Variants in SYNCRIP observed in about 807,000 individuals in gnomAD.
SYNCRIP encodes the protein synaptotagmin binding cytoplasmic RNA interacting protein.
A neutral mutation model predicts 68.9 loss-of-function variants in SYNCRIP; 9 were observed. The observed-to-expected ratio is 0.13, with a 90% CI of 0.08 to 0.23. The LOEUF (loss-of-function observed/expected upper bound fraction) is 0.23, where lower values mean the gene tolerates loss of function less well. Ranked by LOEUF, SYNCRIP falls within the 10% of genes least tolerant of loss-of-function variation. The pLI is 1.00. For missense variants in SYNCRIP, 414 were observed against 770.6 expected, an observed-to-expected ratio of 0.54 and a Z score of 5.48; for synonymous variants, 258 against 254.0, an observed-to-expected ratio of 1.02 and a Z score of -0.15.
intron 6 of SYNCRIP, among the ~76,000 whole-genome samples, chr6:85,627,532 A>G (rs1437714389): frequency 6.6e-6 from 1 of 150,802 alleles, no homozygotes; most frequent in Non-Finnish European, 1.5e-5. Context: ...AAACAAAAAC[A>G]AAAAAACACT....
chr6:85,619,515 A>G (rs900396515), intron 8 of SYNCRIP, 98 bp from the exon 9 acceptor site: 2 of 1,076,320 alleles, frequency 1.9e-6, no homozygotes, highest in Non-Finnish European at 2.6e-6. Context: ...ATCACAATCC[A>G]TTAGAAGAAT....
intron 6 of SYNCRIP, 117 bp from the exon 7 acceptor site, chr6:85,624,229 T>G (rs1178258133): frequency 3.1e-6 from 3 of 959,800 alleles, no homozygotes; most frequent in Admixed American, 5.0e-5. Context: ...TTAATTCCCA[T>G]ACAAGGGAAT....
chr6:85,609,218 A>G (rs1338020794), downstream of SYNCRIP: 5 of 151,904 alleles, frequency 3.3e-5, no homozygotes, highest in African/African-American at 1.2e-4. Context: ...CCTCCCCTAA[A>G]TGCATGAAGC....
At chr6:85,630,609 G>C (rs1166065920) in intron 6 of SYNCRIP, among the ~76,000 whole-genome samples, 1 of 152,144 alleles carries the variant, frequency 6.6e-6, no homozygotes, top group Non-Finnish European at 1.5e-5. Context: ...CCCCTAGGTA[G>C]GTAAGGGAAG....
At chr6:85,617,319 A>G (rs1805891941) in intron 10 of SYNCRIP, among the ~76,000 whole-genome samples, 1 of 152,130 alleles carries the variant, frequency 6.6e-6, no homozygotes, top group East Asian at 1.9e-4. Flanking sequence ...CCTTCTATTT[A>G]GTATCTCCCT....
chr6:85,625,542 C>T (rs1313708120), intron 6 of SYNCRIP, among the ~76,000 whole-genome samples: 2 of 152,072 alleles, frequency 1.3e-5, no homozygotes, highest in East Asian at 3.9e-4. Context: ...CGCCTGCCAC[C>T]ATGCCCGGCT....
intron 1 of SYNCRIP, among the ~76,000 whole-genome samples, 169 bp downstream of exon 1, chr6:85,642,628 T>A (rs900796149): frequency 6.6e-6 from 1 of 152,142 alleles, no homozygotes; most frequent in Non-Finnish European, 1.5e-5. Context: ...AAGGAGGAAG[T>A]GGCGGCGCGG....
intron 6 of SYNCRIP, among the ~76,000 whole-genome samples, chr6:85,634,286 G>C (rs1808179793): frequency 6.6e-6 from 1 of 152,154 alleles, no homozygotes; most frequent in Non-Finnish European, 1.5e-5. Flanking sequence ...CTCTAATGAT[G>C]TATCTTTACT....
At chr6:85,641,535 T>C in intron 1 of SYNCRIP, 84 bp from the exon 2 acceptor site, 1 of 1,326,388 alleles carries the variant, frequency 7.5e-7, no homozygotes, top group Non-Finnish European at 1.0e-6. Context: ...TTACTTTCTC[T>C]ACCATTTACT....
intron 7 of SYNCRIP, 83 bp from the exon 8 acceptor site, chr6:85,622,770 A>G (rs1320443416): frequency 9.4e-7 from 1 of 1,064,308 alleles, no homozygotes. Context: ...CTAAGATACT[A>G]CTTAAATATC....
At chr6:85,619,147 TTA>T (rs1305574004) in intron 9 of SYNCRIP, 119 bp downstream of exon 9, 3 of 1,412,314 alleles carry the variant, frequency 2.1e-6, no homozygotes, top group Non-Finnish European at 2.9e-6. Flanking sequence ...CCAAAAGGTT[TTA>T]GTTTGAATGG....
rs538691665 is a variant in SYNCRIP, at chr6:85,621,198, T to C, written c.1008+1284A>G. Among the ~76,000 whole-genome samples the C allele has an allele frequency of 3.9e-5, 6 of 152,374 alleles. No individual in the cohort carries two copies. The East Asian group carries it at 5.8e-4, about 15-fold the overall frequency. ...AATGAATCCTAACTATTTTCTCTTC[T>C]CTAAGACCACTTATCCTTCAATAAT... On this transcript the variant is annotated intron_variant, in intron 8 of 10. Transcript: ENST00000369622.
In SYNCRIP at chr6:85,637,372, C is replaced by G. The variant is rs754667362; in HGVS notation, c.376-16G>C. Reference sequence around the variant, plus strand: ...CCAAGAGTGCCTTGAAAAGTTCAAACGTCATTAATACATTTAATTCACTAG... The same window carrying G: ...CCAAGAGTGCCTTGAAAAGTTCAAAGGTCATTAATACATTTAATTCACTAG... On this transcript the variant is annotated splice_polypyrimidine_tract_variant and intron_variant, in intron 4 of 10. Transcript: ENST00000369622. 12 of 1,530,524 alleles carry G rather than the reference C, an allele frequency of 7.8e-6. 1 individual carries two copies. Among genetic ancestry groups the G allele is most frequent in the Middle Eastern group, 2.1e-4 (1 of 4,846 alleles). 94.8% of individuals were successfully genotyped at this position (1,530,524 alleles called of 1,614,324 possible). A position where few individuals can be genotyped will look rare whatever the true frequency, so the allele number is the denominator to read the frequency against.
intron 6 of SYNCRIP, among the ~76,000 whole-genome samples, chr6:85,624,891 CTAA>C (rs957611811): frequency 2.6e-5 from 4 of 152,174 alleles, no homozygotes; most frequent in Admixed American, 6.5e-5. Flanking sequence ...AAATTTGTTA[CTAA>C]TAATGGCGGC....
chr6:85,635,242 G>A (rs913226712), intron 6 of SYNCRIP, among the ~76,000 whole-genome samples: 1 of 151,998 alleles, frequency 6.6e-6, no homozygotes, highest in Admixed American at 6.6e-5. Context: ...CCCTCAAATT[G>A]AACTGCTGAA....
chr6:85,621,607 T>TAAA (rs34749230), intron 8 of SYNCRIP, among the ~76,000 whole-genome samples: 2 of 124,796 alleles, frequency 1.6e-5, no homozygotes, highest in Non-Finnish European at 3.5e-5. Context: ...CCCTGTCACT[T>TAAA]AAAAAAAAAA....
At chr6:85,636,079 G>A (rs978036298) in intron 6 of SYNCRIP, among the ~76,000 whole-genome samples, 1 of 152,142 alleles carries the variant, frequency 6.6e-6, no homozygotes, top group Non-Finnish European at 1.5e-5. Flanking sequence ...ATAAAATGCA[G>A]AAACCACTTC....
chr6:85,633,028 GA>G (rs1562102495), intron 6 of SYNCRIP, among the ~76,000 whole-genome samples: 1 of 150,548 alleles, frequency 6.6e-6, no homozygotes, highest in African/African-American at 2.4e-5. Flanking sequence ...CAAGGCGGGT[GA>G]ATCACAAGGT....
chr6:85,629,516 CAA>C (rs781083306), intron 6 of SYNCRIP, among the ~76,000 whole-genome samples: 11 of 64,922 alleles, frequency 1.7e-4, no homozygotes, highest in African/African-American at 5.9e-4. Context: ...ACTAAAAATA[CAA>C]AAAAAAAAAA....
Sources: gnomAD v4.1 joint callset for allele counts (sites outside exome capture counted in the v4.1 genomes callset) on GRCh38, gnomAD v4.1.1 for gene constraint, MANE v1.5 for transcripts, NCBI Gene and HGNC (gene_info 2026-07-23, HGNC 2026-07-21) for gene names.